Variants in DVL3 observed in about 807,000 individuals in gnomAD.
The protein encoded by DVL3 is dishevelled segment polarity protein 3.
Under a neutral mutation model 67.4 loss-of-function variants are expected in DVL3, and 27 were observed. The observed-to-expected ratio is 0.40, with a 90% CI of 0.30 to 0.55. DVL3 has a LOEUF of 0.55. Ranked by LOEUF, DVL3 falls within the 20% of genes least tolerant of loss-of-function variation. The pLI is 0.46. For missense variants in DVL3, 819 were observed against 1,021.5 expected (o/e 0.80, Z 2.70); for synonymous variants, 369 against 396.8 (o/e 0.93, Z 0.83).
intron 1 of DVL3, among the ~76,000 whole-genome samples, chr3:184,161,288 G>A (rs571063188): frequency 3.3e-5 from 5 of 152,264 alleles, no homozygotes; most frequent in Admixed American, 6.5e-5. Flanking sequence ...TTAGCCAGGC[G>A]TGGTGGCAGG....
At position 184,167,618 on chromosome 3, in the gene DVL3, G is replaced by A; in HGVS notation, c.1237G>A (p.Ala413Thr). 1 of 1,614,086 alleles carries A rather than the reference G, an allele frequency of 6.2e-7. No homozygotes were observed. Among genetic ancestry groups the A allele is most frequent in the Non-Finnish European group, 8.5e-7 (1 of 1,180,030 alleles). The change falls in exon 12 of 15, where the codon GCT (alanine) becomes ACT (threonine). Residue 413 changes from alanine (A) to threonine (T), a missense_variant. This residue lies in a region of DVL3 where 110 missense variants were observed against 203.4 expected (regional missense o/e 0.54). Transcript: ENST00000313143. The surrounding 1 kb of genome is among the most constrained non-coding windows in gnomAD (Gnocchi z 4.6). ...DFHLSIHSDM[A>T]AIVKAMASPE... Reference sequence around the variant, plus strand: ...CCACTTGTCCATCCACAGTGACATGGCTGCCATCGTAAAAGCCATGGCCTC... The same window carrying A: ...CCACTTGTCCATCCACAGTGACATGACTGCCATCGTAAAAGCCATGGCCTC...
Position 184,170,262 on chromosome 3 carries a change from C to G in DVL3, c.1714+41C>G, listed in dbSNP as rs764641168. The G allele has an allele frequency of 1.2e-6, 2 of 1,602,852 alleles. No individual in the cohort carries two copies. The highest frequency in any genetic ancestry group is 8.5e-7 in the Non-Finnish European group (1 of 1,174,296). On this transcript the variant is annotated intron_variant, in intron 14 of 14. Coordinates refer to ENST00000313143, the MANE Select transcript of DVL3 (RefSeq NM_004423.4). The surrounding 1 kb of genome is among the most constrained non-coding windows in gnomAD (Gnocchi z 6.5). Reference sequence around the variant, plus strand: ...CGTGGAGGAAGGCTATAGGTGGGCCCCAGGCTTCCCCCGCCCGCTCAGCCT... The same window carrying G: ...CGTGGAGGAAGGCTATAGGTGGGCCGCAGGCTTCCCCCGCCCGCTCAGCCT...
chr3:184,163,876 C>A lies in DVL3; in HGVS notation c.231+150C>A. On this transcript the variant is annotated intron_variant, in intron 2 of 14. Coordinates refer to ENST00000313143, the MANE Select transcript of DVL3 (RefSeq NM_004423.4). This position sits in a 1 kb window ranked among gnomAD's most constrained non-coding sequence, Gnocchi z 4.5. ...AATGAACTGCTTCTCACCCCAGATT[C>A]TGTAACCTTTGATGAAAAGTGAGAA... 1 of 707,056 alleles carries A rather than the reference C, an allele frequency of 1.4e-6. No individual in the cohort carries two copies. The highest frequency in any genetic ancestry group is 2.4e-6 in the Non-Finnish European group (1 of 417,218). 43.8% of individuals were successfully genotyped at this position (707,056 alleles called of 1,614,324 possible).
chr3:184,157,158 T>C (rs1406309315), intron 1 of DVL3: 1 of 152,900 alleles, frequency 6.5e-6, no homozygotes, highest in African/African-American at 2.4e-5. Flanking sequence ...GGTGGGGTGC[T>C]CCTGGTGTGA....
In DVL3 at chr3:184,167,943, C is replaced by T. The variant is rs774590984; in HGVS notation, c.1376C>T (p.Thr459Met). ...CTGTACCACAATGTGGAAGGCTTCA[C>T]GGACCGGAGGGAGGCCCGCAAGTAT... Reference protein sequence around the residue: ...DWLYHNVEGFTDRREARKYAS... With the variant: ...DWLYHNVEGFMDRREARKYAS... The change falls in exon 13 of 15, where the codon ACG (threonine) becomes ATG (methionine). Residue 459 changes from threonine (T) to methionine (M), a missense_variant. Thr to Met is a moderately conservative substitution (Grantham distance 81). Coordinates refer to ENST00000313143, the MANE Select transcript of DVL3 (RefSeq NM_004423.4). The surrounding 1 kb of genome is among the most constrained non-coding windows in gnomAD (Gnocchi z 4.6). 12 of 1,614,258 alleles carry T rather than the reference C, an allele frequency of 7.4e-6. No individual in the cohort carries two copies. In the South Asian group the frequency reaches 9.9e-5, roughly 13 times the overall value.
rs1714164897 is a variant in DVL3, at chr3:184,155,860, G to A, written c.161+64G>A. On this transcript the variant is annotated intron_variant, in intron 1 of 14. Transcript: ENST00000313143. This position sits in a 1 kb window ranked among gnomAD's most constrained non-coding sequence, Gnocchi z 5.4. ...CGCTCTGGCTTCTAAGGGATGACGC[G>A]GTCCGTTTCGACTTGCCTCGCTACA... 1 of 1,527,010 alleles carries A rather than the reference G, an allele frequency of 6.5e-7. No homozygotes were observed. The highest frequency in any genetic ancestry group is 1.2e-5 in the South Asian group (1 of 83,850). The allele number at this position is 1,527,010 out of a possible 1,614,324, so 94.6% of individuals were successfully genotyped here.
At position 184,172,388 on chromosome 3, in the gene DVL3, C is replaced by T. The variant is rs1446106429; in HGVS notation, c.*1633C>T. On this transcript the variant is annotated 3_prime_UTR_variant, in exon 15 of 15. Coordinates refer to ENST00000313143, the MANE Select transcript of DVL3 (RefSeq NM_004423.4). ...AAAAGTGAGATGAAGTTCTTAGCTC[C>T]AGGTTTTGGGGTAAACCAAGGTAGG... 2 of 152,182 alleles carry T rather than the reference C, an allele frequency of 1.3e-5. No homozygotes were observed. Among genetic ancestry groups the T allele is most frequent in the African/African-American group, 4.8e-5 (2 of 41,416 alleles). 9.4% of individuals were successfully genotyped at this position (152,182 alleles called of 1,614,324 possible).
In DVL3 at chr3:184,170,100, T is replaced by G; in HGVS notation, c.1593T>G (p.Pro531=). 1 of 1,613,902 alleles carries G rather than the reference T, an allele frequency of 6.2e-7. No individual in the cohort carries two copies. Among genetic ancestry groups the G allele is most frequent in the East Asian group, 2.2e-5 (1 of 44,870 alleles). ...LAPLPHPGAA[P]WPMAFPYQYP... is the part of the protein sequence containing the mutation. The stretch of plus-strand genomic sequence containing the variant: ...CTTTGCCGCACCCGGGGGCCGCCCC[T>G]TGGCCCATGGCTTTCCCGTACCAGT... Residue 531 remains proline (P), a synonymous_variant, in exon 14 of 15, where the codon CCT becomes CCG. Transcript: ENST00000313143. The surrounding 1 kb of genome is among the most constrained non-coding windows in gnomAD (Gnocchi z 6.5).
Position 184,164,179 on chromosome 3 carries a change from T to C in DVL3, c.232-88T>C, listed in dbSNP as rs1714478095. 4.0e-6 allele frequency: 6 copies of C among 1,484,738 alleles called. No homozygotes were observed. Among genetic ancestry groups the C allele is most frequent in the Non-Finnish European group, 5.5e-6 (6 of 1,083,380 alleles). The allele number at this position is 1,484,738 out of a possible 1,614,324, so 92.0% of individuals were successfully genotyped here. On this transcript the variant is annotated intron_variant, in intron 2 of 14. Transcript: ENST00000313143. The surrounding 1 kb of genome is among the most constrained non-coding windows in gnomAD (Gnocchi z 5.3). ...CTCGATATTTCCTGCTTCCTTCCTC[T>C]TAGGCCTTCATGCCTTGCTGGAAGT...
intron 1 of DVL3, among the ~76,000 whole-genome samples, chr3:184,157,295 A>G (rs369470321): frequency 7.9e-5 from 12 of 152,302 alleles, no homozygotes; most frequent in African/African-American, 2.6e-4. Context: ...GAATAGGGTT[A>G]GAAGGGATCA....
Position 184,165,122 on chromosome 3 carries a change from C to T in DVL3, c.609C>T (p.Ser203=), listed in dbSNP as rs374006983. The change falls in exon 6 of 15, where the codon AGC becomes AGT. Residue 203 remains serine (S), a synonymous_variant. Coordinates refer to ENST00000313143, the MANE Select transcript of DVL3 (RefSeq NM_004423.4). The surrounding 1 kb of genome is among the most constrained non-coding windows in gnomAD (Gnocchi z 4.1). ...DEDDSTSRFS[S]STEQSSASRL... ...ACTGTGGGCCCCACAGGTTCAGCAGCTCCACAGAACAGAGCAGTGCCTCAC... is the reference window on the plus strand; with the variant it reads ...ACTGTGGGCCCCACAGGTTCAGCAGTTCCACAGAACAGAGCAGTGCCTCAC... 14 of 1,613,824 alleles carry T rather than the reference C, an allele frequency of 8.7e-6. No individual in the cohort carries two copies. The highest frequency in any genetic ancestry group is 1.3e-5 in the African/African-American group (1 of 74,924).
Position 184,155,809 on chromosome 3 carries a change from C to A in DVL3, c.161+13C>A. ...ACGACGATTTCGGGTGAGGATGGCC[C>A]CCGCCCCGCCTCCGGGAGCCCCGGC... On this transcript the variant is annotated intron_variant, in intron 1 of 14. Coordinates refer to ENST00000313143, the MANE Select transcript of DVL3 (RefSeq NM_004423.4). This position sits in a 1 kb window ranked among gnomAD's most constrained non-coding sequence, Gnocchi z 5.4. 1 of 1,598,314 alleles carries A rather than the reference C, an allele frequency of 6.3e-7. No individual in the cohort carries two copies.
rs796711556 is a variant in DVL3, at chr3:184,157,766, C to T, written c.161+1970C>T. Among the ~76,000 whole-genome samples the T allele has an allele frequency of 5.2e-4, 79 of 152,246 alleles. 1 individual carries two copies. Among genetic ancestry groups the T allele is most frequent in the African/African-American group, 1.8e-3 (76 of 41,548 alleles). On this transcript the variant is annotated intron_variant, in intron 1 of 14. Transcript: ENST00000313143. ...TACTTGAACCAAAATCAGAGTTGGACCATTTTAGCAGGGTTGAAAACAGTA... is the reference window on the plus strand; with the variant it reads ...TACTTGAACCAAAATCAGAGTTGGATCATTTTAGCAGGGTTGAAAACAGTA...
In DVL3 at chr3:184,172,358, G is replaced by A. The variant is rs551501960; in HGVS notation, c.*1603G>A. 6.6e-6 allele frequency: 1 copy of A among 152,254 alleles called. No homozygotes were observed. The highest frequency in any genetic ancestry group is 1.5e-5 in the Non-Finnish European group (1 of 68,086). 9.4% of individuals were successfully genotyped at this position (152,254 alleles called of 1,614,324 possible). A position where few individuals can be genotyped will look rare whatever the true frequency, so the allele number is the denominator to read the frequency against. On this transcript the variant is annotated 3_prime_UTR_variant, in exon 15 of 15. Coordinates refer to ENST00000313143, the MANE Select transcript of DVL3 (RefSeq NM_004423.4). ...GGGCTTCCATATTTTGGGGGCTGGG[G>A]TGTCAAAAGTGAGATGAAGTTCTTA...
In DVL3 at chr3:184,170,623, C is replaced by T. The variant is rs372777365; in HGVS notation, c.2019C>T (p.Pro673=). 8.7e-6 allele frequency: 14 copies of T among 1,609,156 alleles called. No individual in the cohort carries two copies. Among genetic ancestry groups the T allele is most frequent in the African/African-American group, 1.3e-5 (1 of 74,730 alleles). ...CCATGCTGATGATGCCCCCGCCGCC[C>T]GCGGCCATGGGGCCCCCAGGAGCCC... The part of the protein sequence containing the change: ...GPPMLMMPPP[P]AAMGPPGAPP... Residue 673 remains proline (P), a synonymous_variant, in exon 15 of 15, where the codon CCC becomes CCT. Coordinates refer to ENST00000313143, the MANE Select transcript of DVL3 (RefSeq NM_004423.4). This position sits in a 1 kb window ranked among gnomAD's most constrained non-coding sequence, Gnocchi z 6.5.
At position 184,170,416 on chromosome 3, in the gene DVL3, A is replaced by G. The variant is rs2109023944; in HGVS notation, c.1812A>G (p.Glu604=). The change falls in exon 15 of 15, where the codon GAA becomes GAG. Residue 604 remains glutamate (E), a synonymous_variant. Transcript: ENST00000313143. The surrounding 1 kb of genome is among the most constrained non-coding windows in gnomAD (Gnocchi z 6.5). ...GDSKSGGSGS[E]SDHTTRSSLR... is the part of the protein sequence containing the mutation. ...CCAAGTCCGGGGGCAGCGGCAGCGA[A>G]TCGGACCACACCACACGCAGCAGCC... The G allele has an allele frequency of 1.2e-6, 2 of 1,600,028 alleles. No homozygotes were observed. The highest frequency in any genetic ancestry group is 1.7e-6 in the Non-Finnish European group (2 of 1,173,534).
chr3:184,165,502 G>C lies in DVL3; in HGVS notation c.763+11G>C. ...TCACTCTCAACATGGGTGAGTCTGAGGAAACAGCACTCTCAAGCACCTGCT... is the reference window on the plus strand; with the variant it reads ...TCACTCTCAACATGGGTGAGTCTGACGAAACAGCACTCTCAAGCACCTGCT... On this transcript the variant is annotated intron_variant, in intron 7 of 14. Coordinates refer to ENST00000313143, the MANE Select transcript of DVL3 (RefSeq NM_004423.4). The surrounding 1 kb of genome is among the most constrained non-coding windows in gnomAD (Gnocchi z 4.1). 1 of 1,612,918 alleles carries C rather than the reference G, an allele frequency of 6.2e-7. No individual in the cohort carries two copies. Among genetic ancestry groups the C allele is most frequent in the Non-Finnish European group, 8.5e-7 (1 of 1,178,946 alleles).
At chr3:184,162,652 C>T (rs1365910074) in intron 1 of DVL3, among the ~76,000 whole-genome samples, 1 of 149,894 alleles carries the variant, frequency 6.7e-6, no homozygotes, top group Admixed American at 6.7e-5. Context: ...CTCCACCTGC[C>T]CGATTCAAGT....
At chr3:184,160,981 G>A (rs1484485161) in intron 1 of DVL3, among the ~76,000 whole-genome samples, 18 of 152,210 alleles carry the variant, frequency 1.2e-4, no homozygotes, top group Admixed American at 1.1e-3. Context: ...GCTGCTTTCC[G>A]AGGGTCGCTG....
Sources: gnomAD v4.1 joint callset for allele counts (sites outside exome capture counted in the v4.1 genomes callset) on GRCh38, gnomAD v4.1.1 for gene constraint, gnomAD v4.1.1 regional missense constraint, Gnocchi (gnomAD v3.1) non-coding constraint, MANE v1.5 for transcripts, NCBI Gene and HGNC (gene_info 2026-07-23, HGNC 2026-07-21) for gene names.